The following ST18 variants were observed in gnomAD, a reference collection of about 807,000 sequenced individuals.
ST18 encodes ST18 C2H2C-type zinc finger transcription factor.
Under a neutral mutation model 110.0 loss-of-function variants are expected in ST18, and 50 were observed. The ratio of observed to expected loss-of-function variants is 0.45; its 90% confidence interval spans 0.36 to 0.58. The LOEUF is 0.58. Among genes scored for constraint, ST18 ranks in the 20% least tolerant of loss-of-function variants. ST18 has a pLI of 0.00. For missense variants in ST18, 1,306 were observed against 1,280.1 expected (o/e 1.02, Z -0.31); for synonymous variants, 461 against 452.4 (o/e 1.02, Z -0.24).
At chr8:52,213,071 C>T (rs1458084366) in intron 7 of ST18, among the ~76,000 whole-genome samples, 1 of 152,108 alleles carries the variant, frequency 6.6e-6, no homozygotes, top group African/African-American at 2.4e-5. Context: ...AGAAATACTA[C>T]ATTCCAAATA....
chr8:52,287,379 C>A (rs1353620823), intron 2 of ST18, among the ~76,000 whole-genome samples: 2 of 152,080 alleles, frequency 1.3e-5, no homozygotes, highest in African/African-American at 4.8e-5. Flanking sequence ...TTATTACATT[C>A]AAGAAGGTGA....
chr8:52,336,912 T>C (rs1429248303), intron 2 of ST18, among the ~76,000 whole-genome samples: 2 of 152,194 alleles, frequency 1.3e-5, no homozygotes, highest in African/African-American at 4.8e-5. Flanking sequence ...CCTTCTGTAG[T>C]TTCTGTCACA....
chr8:52,388,308 G>A (rs1471903119), intron 2 of ST18, among the ~76,000 whole-genome samples: 1 of 151,770 alleles, frequency 6.6e-6, no homozygotes, highest in Non-Finnish European at 1.5e-5. Flanking sequence ...TCAGCTCCCG[G>A]GAGCTGCAGA....
chr8:52,214,134 T>C, intron 7 of ST18, 69 bp downstream of exon 7: 2 of 1,499,768 alleles, frequency 1.3e-6, no homozygotes, highest in Admixed American at 1.7e-5. Flanking sequence ...CACGAGGGAC[T>C]GAGCACTGGA....
At chr8:52,178,644 C>CAAAAAAAAAAAAAAAAAAAAAAAAAAA in intron 9 of ST18, among the ~76,000 whole-genome samples, 1 of 61,616 alleles carries the variant, frequency 1.6e-5, no homozygotes, top group Non-Finnish European at 3.0e-5. Flanking sequence ...AAAAAAAAAA[C>CAAAAAAAAAAAAAAAAAAAAAAAAAAA]CACCAAAAAC....
chr8:52,265,453 A>C (rs1370074541), intron 2 of ST18, among the ~76,000 whole-genome samples: 5 of 152,326 alleles, frequency 3.3e-5, no homozygotes, highest in African/African-American at 1.2e-4. Flanking sequence ...ATGGAGAATA[A>C]ATTGAAGGGA....
chr8:52,384,170 A>G (rs565202734), intron 2 of ST18, among the ~76,000 whole-genome samples: 5 of 152,318 alleles, frequency 3.3e-5, no homozygotes, highest in South Asian at 4.1e-4. Context: ...CAGTGTAGCC[A>G]AAATTACAAC....
chr8:52,211,437 C>T (rs1236208725), intron 8 of ST18, among the ~76,000 whole-genome samples: 2 of 149,400 alleles, frequency 1.3e-5, no homozygotes, highest in Admixed American at 1.3e-4. Context: ...GATGGAGTCT[C>T]ACTCTGTCAC....
In ST18 at chr8:52,179,830, A is replaced by G. The variant is rs192877405; in HGVS notation, c.277+292T>C. On this transcript the variant is annotated intron_variant, in intron 9 of 25. Coordinates refer to ENST00000689386, the MANE Select transcript of ST18 (RefSeq NM_001352837.2). ...GGAAGAAAAAGTACTCTTCAACTCT[A>G]AGACTTAGTATCTTGTATTTTCTTC... Among the ~76,000 whole-genome samples the G allele has an allele frequency of 2.5e-3, 386 of 152,198 alleles. 2 individuals are homozygous for G. The highest frequency in any genetic ancestry group is 8.9e-3 in the African/African-American group (368 of 41,508).
At position 52,180,273 on chromosome 8, in the gene ST18, A is replaced by C. The variant is rs1359405390; in HGVS notation, c.126T>G (p.Ala42=). The change falls in exon 9 of 26, where the codon GCT becomes GCG. Residue 42 remains alanine (A), a synonymous_variant. Coordinates refer to ENST00000689386, the MANE Select transcript of ST18 (RefSeq NM_001352837.2). Reference sequence around the variant, plus strand: ...CTGGAACCCCCAAAGCCTGATCTTCAGCTGTTCTCTTCTTTGCCATGGAGC... The same window carrying C: ...CTGGAACCCCCAAAGCCTGATCTTCCGCTGTTCTCTTCTTTGCCATGGAGC... ...YDCSMAKKRT[A]EDQALGVPVN... 6.2e-7 allele frequency: 1 copy of C among 1,614,190 alleles called. No individual in the cohort carries two copies. The highest frequency in any genetic ancestry group is 1.7e-5 in the Admixed American group (1 of 60,026).
At chr8:52,241,815 T>G (rs2093430845) in intron 2 of ST18, among the ~76,000 whole-genome samples, 1 of 152,168 alleles carries the variant, frequency 6.6e-6, no homozygotes, top group Non-Finnish European at 1.5e-5. Context: ...TTTAATCTCT[T>G]GTGAACATGA....
intron 2 of ST18, among the ~76,000 whole-genome samples, chr8:52,274,015 A>G (rs2138966026): frequency 6.6e-6 from 1 of 152,316 alleles, no homozygotes; most frequent in East Asian, 1.9e-4. Flanking sequence ...TTTCTTTTAA[A>G]TCATGACACA....
chr8:52,325,391 C>G (rs1459207502), intron 2 of ST18, among the ~76,000 whole-genome samples: 6 of 152,102 alleles, frequency 3.9e-5, no homozygotes, highest in African/African-American at 1.4e-4. Flanking sequence ...TCTGTAAATG[C>G]CTGAATCCAT....
chr8:52,117,476 A>G (rs1190564632), intron 24 of ST18, among the ~76,000 whole-genome samples: 1 of 152,196 alleles, frequency 6.6e-6, no homozygotes, highest in Non-Finnish European at 1.5e-5. Flanking sequence ...TCAGGAGGGC[A>G]GAGGGCTTTG....
At chr8:52,160,610 A>G (rs1400519454) in intron 14 of ST18, among the ~76,000 whole-genome samples, 2 of 152,226 alleles carry the variant, frequency 1.3e-5, no homozygotes, top group Non-Finnish European at 1.5e-5. Flanking sequence ...TTAAGTGACC[A>G]TAATGAAGAA....
chr8:52,130,417 A>G lies in ST18; in HGVS notation c.2666+1541T>C, dbSNP rs573462978. 3.3e-5 allele frequency among the ~76,000 whole-genome samples: 5 copies of G among 152,274 alleles called. No homozygotes were observed. The East Asian group carries it at 7.7e-4, about 24-fold the overall frequency. ...GCAATCGTCCTGCCTCAGCCTCCTGAGTAGCTGGGACCACAGGCATGTACC... is the reference window on the plus strand; with the variant it reads ...GCAATCGTCCTGCCTCAGCCTCCTGGGTAGCTGGGACCACAGGCATGTACC... On this transcript the variant is annotated intron_variant, in intron 22 of 25. Coordinates refer to ENST00000689386, the MANE Select transcript of ST18 (RefSeq NM_001352837.2).
intron 12 of ST18, 91 bp from the exon 13 acceptor site, chr8:52,164,181 T>C (rs1455141432): frequency 1.9e-6 from 2 of 1,054,548 alleles, no homozygotes; most frequent in East Asian, 4.7e-5. Context: ...TGGCACACAC[T>C]AAATGTTAAG....
intron 2 of ST18, among the ~76,000 whole-genome samples, chr8:52,291,114 A>C (rs1344787986): frequency 6.6e-6 from 1 of 152,170 alleles, no homozygotes; most frequent in African/African-American, 2.4e-5. Flanking sequence ...CTTATGGAGG[A>C]ATCTCTTTTC....
In ST18 at chr8:52,367,236, T is replaced by TCACACACACACACACA. The variant is rs748933981; in HGVS notation, c.-465+42076_-465+42091dup. ...CTGGGTGACAGAGCGGGACCCTGTC[T>TCACACACACACACACA]CACACACACACACACACACACACAC... On this transcript the variant is annotated intron_variant, in intron 2 of 25. Transcript: ENST00000689386. Among the ~76,000 whole-genome samples the TCACACACACACACACA allele has an allele frequency of 6.2e-3, 743 of 120,240 alleles. 7 individuals carry two copies. The highest frequency in any genetic ancestry group is 0.021 in the African/African-American group (675 of 32,628). The allele number at this position is 120,240 out of a possible 152,430, so 78.9% of individuals were successfully genotyped here. A position where few individuals can be genotyped will look rare whatever the true frequency, so the allele number is the denominator to read the frequency against.
Sources: allele counts gnomAD v4.1 joint callset (sites outside exome capture counted in the v4.1 genomes callset), GRCh38; gene constraint gnomAD v4.1.1; transcripts MANE v1.5; gene names NCBI Gene and HGNC (gene_info 2026-07-23, HGNC 2026-07-21).